Variants in KAT6B observed in about 807,000 individuals in gnomAD.
KAT6B encodes histone acetyltransferase KAT6B.
KAT6B carries 10 observed loss-of-function variants against 187.5 expected under a neutral mutation model. That is an observed-to-expected ratio of 0.05 (90% CI 0.03 to 0.09). KAT6B has a LOEUF of 0.09. Among genes scored for constraint, KAT6B ranks in the 10% least tolerant of loss-of-function variants. The probability of loss-of-function intolerance (pLI) is 1.00; values close to 1 mark genes in which losing one functional copy is unlikely to be tolerated. For synonymous variants in KAT6B, 861 were observed against 926.8 expected (o/e 0.93, Z 1.29); for missense variants, 1,952 against 2,558.9 (o/e 0.76, Z 5.12).
intron 13 of KAT6B, among the ~76,000 whole-genome samples, chr10:75,010,463 A>G (rs779516434): frequency 2.0e-5 from 3 of 152,178 alleles, no homozygotes; most frequent in Non-Finnish European, 4.4e-5. Flanking sequence ...TCTTTCTTCA[A>G]TCTTGCTGTG....
intron 3 of KAT6B, among the ~76,000 whole-genome samples, chr10:74,948,030 C>CA (rs1840068720): frequency 6.6e-6 from 1 of 152,088 alleles, no homozygotes; most frequent in African/African-American, 2.4e-5. Flanking sequence ...GAATTAACTC[C>CA]AAAAAACAAG....
upstream of KAT6B, among the ~76,000 whole-genome samples, chr10:74,826,358 G>T: frequency 6.6e-6 from 1 of 151,992 alleles, no homozygotes; most frequent in Non-Finnish European, 1.5e-5. Flanking sequence ...ATTGGTATTG[G>T]CAGTGGACCC....
At chr10:74,852,638 C>G (rs149777369) in intron 3 of KAT6B, among the ~76,000 whole-genome samples, 2 of 152,192 alleles carry the variant, frequency 1.3e-5, no homozygotes, top group African/African-American at 2.4e-5. Context: ...GGCATGACAG[C>G]GTGTTCCACT....
chr10:74,997,220 CCT>C (rs1843499085), intron 13 of KAT6B, among the ~76,000 whole-genome samples: 1 of 151,050 alleles, frequency 6.6e-6, no homozygotes, highest in South Asian at 2.1e-4. Flanking sequence ...TCTCTCTCCC[CCT>C]GTTCTCCCCA....
chr10:74,898,271 G>A (rs919619624), intron 3 of KAT6B, among the ~76,000 whole-genome samples: 1 of 152,182 alleles, frequency 6.6e-6, no homozygotes, highest in Non-Finnish European at 1.5e-5. Context: ...GCTTTGGACT[G>A]AGCTGCTGCT....
chr10:74,855,976 A>G (rs1842793554), intron 3 of KAT6B, among the ~76,000 whole-genome samples: 1 of 152,224 alleles, frequency 6.6e-6, no homozygotes, highest in African/African-American at 2.4e-5. Flanking sequence ...ACTTAATAAT[A>G]TATCAAAAAT....
intron 3 of KAT6B, among the ~76,000 whole-genome samples, chr10:74,909,711 G>C (rs916087746): frequency 2.6e-5 from 4 of 152,168 alleles, no homozygotes; most frequent in Non-Finnish European, 5.9e-5. Flanking sequence ...ACCTTCTTAA[G>C]TTCTACAGCA....
chr10:75,023,088 C>G (rs1245231792), intron 16 of KAT6B, among the ~76,000 whole-genome samples: 1 of 152,210 alleles, frequency 6.6e-6, no homozygotes, highest in Non-Finnish European at 1.5e-5. Context: ...ATCTTAGTAG[C>G]CCAGTGATGT....
chr10:74,833,269 C>CA (rs932919316), intron 1 of KAT6B, among the ~76,000 whole-genome samples: 1 of 150,992 alleles, frequency 6.6e-6, no homozygotes, highest in African/African-American at 2.4e-5. Context: ...TTTTAAATGC[C>CA]AAAAAAAGAC....
At chr10:74,992,711 T>C (rs1013912384) in intron 13 of KAT6B, among the ~76,000 whole-genome samples, 1 of 152,242 alleles carries the variant, frequency 6.6e-6, no homozygotes, top group Non-Finnish European at 1.5e-5. Flanking sequence ...TGAGGTGGAA[T>C]GGTCATCCAT....
chr10:74,923,030 G>A (rs543162165), intron 3 of KAT6B, among the ~76,000 whole-genome samples: 4 of 152,278 alleles, frequency 2.6e-5, no homozygotes, highest in South Asian at 4.2e-4. Flanking sequence ...AACAGGTAGA[G>A]GTTATTGGAA....
At chr10:74,857,771 A>G (rs12267394) in intron 3 of KAT6B, among the ~76,000 whole-genome samples, 3,887 of 152,196 alleles carry the variant, frequency 0.026, 163 homozygotes, top group African/African-American at 0.088. Flanking sequence ...TATAATCCCA[A>G]TGCTTTGGGA....
intron 3 of KAT6B, among the ~76,000 whole-genome samples, chr10:74,907,863 G>A (rs1257364474): frequency 6.6e-6 from 1 of 152,138 alleles, no homozygotes; most frequent in Non-Finnish European, 1.5e-5. Flanking sequence ...CATTGCAATA[G>A]TTATTCCTTT....
intron 3 of KAT6B, among the ~76,000 whole-genome samples, chr10:74,957,658 G>A (rs1840784212): frequency 6.6e-6 from 1 of 152,232 alleles, no homozygotes; most frequent in Non-Finnish European, 1.5e-5. Context: ...AAGGATGACA[G>A]CAGTAGCTTG....
intron 3 of KAT6B, among the ~76,000 whole-genome samples, chr10:74,866,773 C>G (rs979402026): frequency 6.6e-6 from 1 of 152,130 alleles, no homozygotes; most frequent in Non-Finnish European, 1.5e-5. Context: ...GCGTTAAACA[C>G]AATATTAGCA....
At chr10:74,967,915 A>G (rs2133625409) in intron 4 of KAT6B, among the ~76,000 whole-genome samples, 1 of 152,312 alleles carries the variant, frequency 6.6e-6, no homozygotes, top group Non-Finnish European at 1.5e-5. Flanking sequence ...AATGTAGAGA[A>G]AAATTCAGTG....
chr10:74,871,797 C>T (rs1171566450), intron 3 of KAT6B, among the ~76,000 whole-genome samples: 4 of 152,200 alleles, frequency 2.6e-5, no homozygotes, highest in African/African-American at 4.8e-5. Flanking sequence ...ACACAGACAT[C>T]CTCAGCTCAA....
At chr10:74,856,282 T>G (rs1842819495) in intron 3 of KAT6B, among the ~76,000 whole-genome samples, 1 of 152,132 alleles carries the variant, frequency 6.6e-6, no homozygotes. Context: ...TGATGGGGTT[T>G]CGCCAGGTTG....
chr10:75,018,878 AC>A (rs1056872438), intron 13 of KAT6B, among the ~76,000 whole-genome samples: 1 of 151,400 alleles, frequency 6.6e-6, no homozygotes, highest in Non-Finnish European at 1.5e-5. Flanking sequence ...TATGGTTCTC[AC>A]CCCCCCAGGA....
Sources: gnomAD v4.1 joint callset for allele counts (sites outside exome capture counted in the v4.1 genomes callset) on GRCh38, gnomAD v4.1.1 for gene constraint, MANE v1.5 for transcripts, NCBI Gene and HGNC (gene_info 2026-07-23, HGNC 2026-07-21) for gene names.